Variants in GRM4 observed in about 807,000 individuals in gnomAD.
GRM4 encodes metabotropic glutamate receptor 4.
Under a neutral mutation model 81.7 loss-of-function variants are expected in GRM4, and 28 were observed. The ratio of observed to expected loss-of-function variants is 0.34; its 90% CI spans 0.25 to 0.47. The LOEUF (loss-of-function observed/expected upper bound fraction) is 0.47, where lower values mean the gene tolerates loss of function less well. Ranked by LOEUF, GRM4 falls within the 20% of genes least tolerant of loss-of-function variation. GRM4 has a pLI of 1.00. For missense variants in GRM4, 948 were observed against 1,290.0 expected, an observed-to-expected ratio of 0.73 and a Z score of 4.06; for synonymous variants, 488 against 528.8, an observed-to-expected ratio of 0.92 and a Z score of 1.06.
Position 34,022,615 on chromosome 6 carries a change from C to A in GRM4, c.*206G>T. On this transcript the variant is annotated 3_prime_UTR_variant, in exon 11 of 11. Coordinates refer to ENST00000538487, the MANE Select transcript of GRM4 (RefSeq NM_000841.4). This position sits in a 1 kb window ranked among gnomAD's most constrained non-coding sequence, Gnocchi z 5.6. ...GGTTCTTGTGGTAGCCTGGCACCGCCCCGGCCCCTCGTCCTCCTGTTGCTC... is the reference window on the plus strand; with the variant it reads ...GGTTCTTGTGGTAGCCTGGCACCGCACCGGCCCCTCGTCCTCCTGTTGCTC... The A allele has an allele frequency of 1.7e-6, 1 of 598,518 alleles. No homozygotes were observed. Among genetic ancestry groups the A allele is most frequent in the Non-Finnish European group, 3.0e-6 (1 of 333,682 alleles). The allele number at this position is 598,518 out of a possible 1,614,324, so 37.1% of individuals were successfully genotyped here.
intron 2 of GRM4, among the ~76,000 whole-genome samples, chr6:34,106,191 G>T (rs1769118124): frequency 6.6e-6 from 1 of 152,222 alleles, no homozygotes; most frequent in Admixed American, 6.5e-5. Context: ...GAGGCAGGTG[G>T]ATCACCTGAG....
At chr6:34,084,847 C>A (rs1344141530) in intron 3 of GRM4, among the ~76,000 whole-genome samples, 1 of 152,236 alleles carries the variant, frequency 6.6e-6, no homozygotes, top group Non-Finnish European at 1.5e-5. Flanking sequence ...TCCTCCAAGC[C>A]CTGCTTGCCT....
intron 2 of GRM4, among the ~76,000 whole-genome samples, chr6:34,097,598 C>T (rs766405893): frequency 6.6e-6 from 1 of 152,248 alleles, no homozygotes; most frequent in Non-Finnish European, 1.5e-5. Flanking sequence ...AGAACGCCCA[C>T]AGCTCCAGCT....
rs934685951 is a variant in GRM4, at chr6:34,152,399, C to G, written c.312+2680G>C. Among the ~76,000 whole-genome samples the G allele has an allele frequency of 1.3e-5, 2 of 152,284 alleles. No homozygotes were observed. The highest frequency in any genetic ancestry group is 2.9e-5 in the Non-Finnish European group (2 of 68,016). ...GGAGAAGGGGTATTGTGGTCTGGTCCTGGGGCTGAGGTCACAGCTGCACTG... is the reference window on the plus strand; with the variant it reads ...GGAGAAGGGGTATTGTGGTCTGGTCGTGGGGCTGAGGTCACAGCTGCACTG... On this transcript the variant is annotated intron_variant, in intron 1 of 8. Transcript: ENST00000374177. The surrounding 1 kb of genome is among the most constrained non-coding windows in gnomAD (Gnocchi z 4.1).
chr6:34,125,829 C>T (rs759794252), intron 2 of GRM4, among the ~76,000 whole-genome samples: 2 of 152,224 alleles, frequency 1.3e-5, no homozygotes, highest in African/African-American at 2.4e-5. Flanking sequence ...GAGACTATCT[C>T]GGCAGGGGGC....
At chr6:34,137,463 C>T (rs928117852) in intron 1 of GRM4, among the ~76,000 whole-genome samples, 1 of 152,244 alleles carries the variant, frequency 6.6e-6, no homozygotes, top group Admixed American at 6.5e-5. Flanking sequence ...CTTTCCCCAA[C>T]CAACAGTCAG....
rs781276404 is a variant in GRM4 at position 34,028,371 on chromosome 6, C to A, written c.2443-5G>T. The A allele has an allele frequency of 5.6e-6, 9 of 1,607,258 alleles. No individual in the cohort carries two copies. The highest frequency in any genetic ancestry group is 1.6e-4 in the Middle Eastern group (1 of 6,076). ...CGTCGTCGTCTGGATGTACAGCTGG[C>A]GGAGGGCACGGTGGCGTCAGAGCAG... On this transcript the variant is annotated splice_polypyrimidine_tract_variant and splice_region_variant and intron_variant, in intron 9 of 10. Transcript: ENST00000538487.
chr6:34,022,829 C>T lies in GRM4; in HGVS notation c.2731G>A (p.Ala911Thr). 6.2e-7 allele frequency: 1 copy of T among 1,613,866 alleles called. No homozygotes were observed. The highest frequency in any genetic ancestry group is 8.5e-7 in the Non-Finnish European group (1 of 1,179,722). Residue 911 changes from alanine (A) to threonine (T), a missense_variant, in exon 11 of 11, where the codon GCA becomes ACA. Transcript: ENST00000538487. This position sits in a 1 kb window ranked among gnomAD's most constrained non-coding sequence, Gnocchi z 5.6. ...TCAGCTCCATGGACTCGCTAGATTGCATGGTTGGTGTAAGTGACGTAAGTC... is the reference window on the plus strand; with the variant it reads ...TCAGCTCCATGGACTCGCTAGATTGTATGGTTGGTGTAAGTGACGTAAGTC... ...KQTYVTYTNH[A>T]I
chr6:34,103,929 G>T, intron 2 of GRM4: 1 of 1,148,090 alleles, frequency 8.7e-7, no homozygotes. Context: ...TTCAGAGCCA[G>T]CCATGCACCT....
chr6:34,138,117 TA>T (rs1224344933), intron 1 of GRM4, among the ~76,000 whole-genome samples: 1 of 152,208 alleles, frequency 6.6e-6, no homozygotes, highest in Non-Finnish European at 1.5e-5. Context: ...AACACCAGAA[TA>T]AAGGGTAAAT....
intron 2 of GRM4, among the ~76,000 whole-genome samples, chr6:34,096,675 G>A (rs1393026488): frequency 1.4e-5 from 1 of 70,330 alleles, no homozygotes; most frequent in South Asian, 6.6e-4. Flanking sequence ...GCCCCCCGAA[G>A]AGGGGTAGGT....
rs567812609 is a variant in GRM4 at position 34,026,397 on chromosome 6, C to T, written c.2689+1723G>A. 2.2e-4 allele frequency among the ~76,000 whole-genome samples: 34 copies of T among 152,180 alleles called. No homozygotes were observed. The South Asian group carries it at 6.6e-3, about 30-fold the overall frequency. ...TTCACACAGGAGGTGGGGAGAGGGG[C>T]TCCCCACTTCCCTACCATGGAAGCC... On this transcript the variant is annotated intron_variant, in intron 10 of 10. Coordinates refer to ENST00000538487, the MANE Select transcript of GRM4 (RefSeq NM_000841.4).
rs1187663905 is a variant in GRM4, at chr6:34,028,321, C to A, written c.2488G>T (p.Ala830Ser). Residue 830 changes from alanine (A) to serine (S), a missense_variant, in exon 10 of 11, where the codon GCC (alanine) becomes TCC (serine). By Grantham distance (99) the Ala-to-Ser change is moderately conservative (BLOSUM62 1). Transcript: ENST00000538487. Reference sequence around the variant, plus strand: ...TAGAGCATTCCCAGGGACACCGAGGCGCTCAGACTCACCGAGACCGTCAGC... The same window carrying A: ...TAGAGCATTCCCAGGGACACCGAGGAGCTCAGACTCACCGAGACCGTCAGC... ...TTLTVSVSLS[A>S]SVSLGMLYMP... is the part of the protein sequence containing the mutation. 1 of 1,612,714 alleles carries A rather than the reference C, an allele frequency of 6.2e-7. No individual in the cohort carries two copies. The highest frequency in any genetic ancestry group is 8.5e-7 in the Non-Finnish European group (1 of 1,179,870).
rs1262685974 is a variant in GRM4, at chr6:34,020,846, C to T, written c.*1975G>A. On this transcript the variant is annotated 3_prime_UTR_variant, in exon 11 of 11. Transcript: ENST00000538487. ...GACATACCTGGCATGATTCAATGTC[C>T]CAGCCTCAGTTATACACACACTCTC... 2 of 152,264 alleles carry T rather than the reference C, an allele frequency of 1.3e-5. No homozygotes were observed. Among genetic ancestry groups the T allele is most frequent in the Admixed American group, 1.3e-4 (2 of 15,272 alleles). The allele number at this position is 152,264 out of a possible 1,614,324, so 9.4% of individuals were successfully genotyped here. A position where few individuals can be genotyped will look rare whatever the true frequency, so the allele number is the denominator to read the frequency against.
At chr6:34,100,717 A>G (rs569453876) in intron 2 of GRM4, among the ~76,000 whole-genome samples, 2 of 152,370 alleles carry the variant, frequency 1.3e-5, no homozygotes, top group Admixed American at 1.3e-4. Flanking sequence ...TCAGCCAAAC[A>G]TTTCAAGATC....
intron 2 of GRM4, among the ~76,000 whole-genome samples, chr6:34,127,206 A>G (rs1365109276): frequency 6.6e-6 from 1 of 152,198 alleles, no homozygotes; most frequent in East Asian, 1.9e-4. Flanking sequence ...GATGAGCGCC[A>G]TCAAGGAAAA....
At chr6:34,141,415 T>C (rs1396265845) in intron 1 of GRM4, among the ~76,000 whole-genome samples, 2 of 152,188 alleles carry the variant, frequency 1.3e-5, no homozygotes, top group Non-Finnish European at 2.9e-5. Flanking sequence ...TTACCACAGA[T>C]AATATCTACC....
intron 2 of GRM4, among the ~76,000 whole-genome samples, chr6:34,128,167 G>A (rs1181039301): frequency 6.6e-6 from 1 of 152,208 alleles, no homozygotes; most frequent in African/African-American, 2.4e-5. Flanking sequence ...AGACGCAAGA[G>A]GCCCAGCAGA....
chr6:34,144,571 C>G (rs1372846350), intron 1 of GRM4, among the ~76,000 whole-genome samples: 1 of 152,184 alleles, frequency 6.6e-6, no homozygotes, highest in Non-Finnish European at 1.5e-5. Context: ...CGGGCTCCGG[C>G]CGCTGGCGAA....
Sources: allele counts gnomAD v4.1 joint callset (sites outside exome capture counted in the v4.1 genomes callset), GRCh38; gene constraint gnomAD v4.1.1; non-coding constraint Gnocchi (gnomAD v3.1); transcripts MANE v1.5; gene names NCBI Gene and HGNC (gene_info 2026-07-23, HGNC 2026-07-21).